KMT2A: variants seen among roughly 807,000 people sequenced by gnomAD.
KMT2A encodes histone-lysine N-methyltransferase 2A.
A neutral mutation model predicts 345.3 loss-of-function variants in KMT2A; 16 were observed. The observed-to-expected ratio is 0.05, with a 90% confidence interval of 0.03 to 0.07. KMT2A has a LOEUF of 0.07. KMT2A is among the 10% of genes least tolerant of loss of function. KMT2A has a pLI of 1.00. For synonymous variants in KMT2A, 1,599 were observed against 1,778.6 expected (o/e 0.90, Z 2.54); for missense variants, 3,272 against 4,841.6 (o/e 0.68, Z 9.62).
Position 118,519,646 on chromosome 11 carries a change from T to G in KMT2A, c.11175T>G (p.Ile3725Met). 6.2e-7 allele frequency: 1 copy of G among 1,613,638 alleles called. No homozygotes were observed. The highest frequency in any genetic ancestry group is 8.5e-7 in the Non-Finnish European group (1 of 1,179,564). The change falls in exon 32 of 36, where the codon ATT (isoleucine) becomes ATG (methionine). Residue 3725 changes from isoleucine to methionine, a missense_variant. Ile to Met is a conservative substitution (Grantham distance 10). Around this residue, in one of 27 missense-constraint regions of KMT2A, gnomAD observed 72 missense variants for 135.6 expected, o/e 0.53. Coordinates refer to ENST00000534358, the MANE Select transcript of KMT2A (RefSeq NM_001197104.2). ...TTAACGGTTTGAGGATGCTGGGGAT[T>G]CTCCATGATGCAGTTGTGTTCCTCA... ...AGVNGLRMLG[I>M]LHDAVVFLIE...
rs1434173540 is a variant in KMT2A at position 118,503,308 on chromosome 11, G to C, written c.7416G>C (p.Leu2472Phe). Reference sequence around the variant, plus strand: ...AGCCAGAGTTTATGGATGAGGTTTTGACTCCTGAGTATATGGGCCAACGAC... The same window carrying C: ...AGCCAGAGTTTATGGATGAGGTTTTCACTCCTGAGTATATGGGCCAACGAC... Reference protein sequence around the residue: ...NLKPEFMDEVLTPEYMGQRPC... With the variant: ...NLKPEFMDEVFTPEYMGQRPC... Residue 2472 changes from leucine (L) to phenylalanine (F), a missense_variant, in exon 27 of 36, where the codon TTG becomes TTC. Around this residue, in one of 27 missense-constraint regions of KMT2A, gnomAD observed 445 missense variants for 500.9 expected, o/e 0.89. Transcript: ENST00000534358. The surrounding 1 kb of genome is among the most constrained non-coding windows in gnomAD (Gnocchi z 5.3). 1.9e-6 allele frequency: 3 copies of C among 1,613,976 alleles called. No individual in the cohort carries two copies. In the African/African-American group the frequency reaches 4.0e-5, roughly 22 times the overall value.
At chr11:118,488,158 C>T (rs1014960114) in intron 10 of KMT2A, among the ~76,000 whole-genome samples, 2 of 151,886 alleles carry the variant, frequency 1.3e-5, no homozygotes, top group Admixed American at 6.6e-5. Flanking sequence ...CCAGCCTGGG[C>T]GACAGCGAGA....
chr11:118,440,576 A>G lies in KMT2A; in HGVS notation c.432+3632A>G, dbSNP rs1591337833. Among the ~76,000 whole-genome samples the G allele has an allele frequency of 2.0e-5, 3 of 152,118 alleles. No homozygotes were observed. The South Asian group carries it at 6.2e-4, about 32-fold the overall frequency. On this transcript the variant is annotated intron_variant, in intron 1 of 35. Transcript: ENST00000534358. ...TCATAATCCAGTTACCTTCCCTACT[A>G]CTTCACAAAATATTAAAAGCAAAAT...
rs1398950998 is a variant in KMT2A, at chr11:118,525,003, C to T, written c.*2831C>T. The stretch of plus-strand genomic sequence containing the variant: ...TTGTCAACCACAAAAATGAGAAATT[C>T]CTCTTCTAGCTCAGCCTTGAGTCCA... On this transcript the variant is annotated 3_prime_UTR_variant, in exon 36 of 36. Coordinates refer to ENST00000534358, the MANE Select transcript of KMT2A (RefSeq NM_001197104.2). 24 of 212,640 alleles carry T rather than the reference C, an allele frequency of 1.1e-4. No homozygotes were observed. Among genetic ancestry groups the T allele is most frequent in the Non-Finnish European group, 1.9e-4 (20 of 104,798 alleles). The allele number at this position is 212,640 out of a possible 1,614,324, so 13.2% of individuals were successfully genotyped here. A position where few individuals can be genotyped will look rare whatever the true frequency, so the allele number is the denominator to read the frequency against.
rs1438768164 is a variant in KMT2A, at chr11:118,522,584, C to A, written c.*412C>A. ...TGTAAGTGAGTGGGTCAGGCAAAGC[C>A]CCAAATGGAGGGTTGGTTAGATTCC... is the stretch of plus-strand genomic sequence containing the variant. On this transcript the variant is annotated 3_prime_UTR_variant, in exon 36 of 36. Coordinates refer to ENST00000534358, the MANE Select transcript of KMT2A (RefSeq NM_001197104.2). This position sits in a 1 kb window ranked among gnomAD's most constrained non-coding sequence, Gnocchi z 5.4. The A allele has an allele frequency of 1.7e-5, 4 of 235,060 alleles. No individual in the cohort carries two copies. The highest frequency in any genetic ancestry group is 3.4e-5 in the Non-Finnish European group (4 of 117,574). 14.6% of individuals were successfully genotyped at this position (235,060 alleles called of 1,614,324 possible).
At position 118,484,104 on chromosome 11, in the gene KMT2A, C is replaced by T; in HGVS notation, c.4087-79C>T. The T allele has an allele frequency of 7.5e-7, 1 of 1,339,534 alleles. No homozygotes were observed. Among genetic ancestry groups the T allele is most frequent in the Non-Finnish European group, 1.0e-6 (1 of 962,366 alleles). 83.0% of individuals were successfully genotyped at this position (1,339,534 alleles called of 1,614,324 possible). A position where few individuals can be genotyped will look rare whatever the true frequency, so the allele number is the denominator to read the frequency against. On this transcript the variant is annotated intron_variant, in intron 8 of 35. Coordinates refer to ENST00000534358, the MANE Select transcript of KMT2A (RefSeq NM_001197104.2). The surrounding 1 kb of genome is among the most constrained non-coding windows in gnomAD (Gnocchi z 4.1). The stretch of plus-strand genomic sequence containing the variant: ...TTTTAGATCTATTAATAAAATTTGT[C>T]ATTTGCATTATTATCTGTTGCAAAT...
chr11:118,446,143 G>T (rs1949416644), intron 1 of KMT2A, among the ~76,000 whole-genome samples: 1 of 152,044 alleles, frequency 6.6e-6, no homozygotes, highest in African/African-American at 2.4e-5. Flanking sequence ...GAGGTCAGGA[G>T]TTTGAGACCA....
At chr11:118,513,937 CAAAAAAAAAA>C (rs1178939991) in intron 31 of KMT2A, among the ~76,000 whole-genome samples, 1 of 47,354 alleles carries the variant, frequency 2.1e-5, no homozygotes, top group East Asian at 5.9e-4. Flanking sequence ...GACCCTGTCT[CAAAAAAAAAA>C]AAAAAAAAAA....
chr11:118,513,249 AAAGAAG>A (rs199569909), intron 31 of KMT2A, among the ~76,000 whole-genome samples: 5 of 151,958 alleles, frequency 3.3e-5, no homozygotes, highest in East Asian at 1.9e-4. Flanking sequence ...GTCACAAAAA[AAAGAAG>A]AAGAAGAAGA....
In KMT2A at chr11:118,489,907, C is replaced by T. The variant is rs1433922249; in HGVS notation, c.4575+20C>T. On this transcript the variant is annotated intron_variant, in intron 12 of 35. Transcript: ENST00000534358. ...GTCTGGGTGAGTTATACACATGATG[C>T]TCTTTTATAGAGAACCACCATGTGA... The T allele has an allele frequency of 2.5e-6, 4 of 1,593,574 alleles. No individual in the cohort carries two copies. The highest frequency in any genetic ancestry group is 3.4e-6 in the Non-Finnish European group (4 of 1,161,518).
Position 118,504,012 on chromosome 11 carries a change from G to A in KMT2A, c.8120G>A (p.Arg2707Gln), listed in dbSNP as rs1327510788. The change falls in exon 27 of 36, where the codon CGG becomes CAG. Residue 2707 changes from arginine (R) to glutamine (Q), a missense_variant. Transcript: ENST00000534358. The surrounding 1 kb of genome is among the most constrained non-coding windows in gnomAD (Gnocchi z 6.4). ...EERLASHNLFREEEQCDLPKI... is the reference protein window; with the variant it reads ...EERLASHNLFQEEEQCDLPKI... ...CGACTGGCATCCCATAATTTATTTCGGGAGGAGGAACAGTGTGATCTTCCA... is the reference window on the plus strand; with the variant it reads ...CGACTGGCATCCCATAATTTATTTCAGGAGGAGGAACAGTGTGATCTTCCA... 1.7e-5 allele frequency: 27 copies of A among 1,614,028 alleles called. No individual in the cohort carries two copies. The highest frequency in any genetic ancestry group is 8.0e-5 in the African/African-American group (6 of 74,912).
intron 10 of KMT2A, among the ~76,000 whole-genome samples, chr11:118,487,713 A>T (rs1555041263): frequency 6.6e-6 from 1 of 152,228 alleles, no homozygotes; most frequent in Non-Finnish European, 1.5e-5. Context: ...CCATGGTATA[A>T]TTACCAAATC....
chr11:118,492,248 A>T (rs1555042720), intron 15 of KMT2A, among the ~76,000 whole-genome samples: 2 of 152,220 alleles, frequency 1.3e-5, no homozygotes, highest in Admixed American at 1.3e-4. Flanking sequence ...GTTCTGACTG[A>T]GTGGAGAGGA....
rs1950364249 is a variant in KMT2A at position 118,493,915 on chromosome 11, T to C, written c.5179-373T>C. Among the ~76,000 whole-genome samples the C allele has an allele frequency of 6.6e-6, 1 of 152,210 alleles. No individual in the cohort carries two copies. The highest frequency in any genetic ancestry group is 1.5e-5 in the Non-Finnish European group (1 of 68,040). ...TGGCGGAGATTGGGTTTCACCATGT[T>C]GGCTAGGCTGGTCATGAACTCCTGA... is the stretch of plus-strand genomic sequence containing the variant. On this transcript the variant is annotated intron_variant, in intron 16 of 35. Coordinates refer to ENST00000534358, the MANE Select transcript of KMT2A (RefSeq NM_001197104.2). The surrounding 1 kb of genome is among the most constrained non-coding windows in gnomAD (Gnocchi z 5.8).
chr11:118,461,164 C>A (rs939263807), intron 1 of KMT2A, among the ~76,000 whole-genome samples: 1 of 151,998 alleles, frequency 6.6e-6, no homozygotes, highest in Admixed American at 6.6e-5. Context: ...AGAAATATTC[C>A]TATTGCTTCG....
At chr11:118,448,582 A>G (rs1336048272) in intron 1 of KMT2A, 5 of 152,212 alleles carry the variant, frequency 3.3e-5, no homozygotes, top group African/African-American at 1.2e-4. Context: ...CAGTTTTCCT[A>G]CTAACTCTTA....
chr11:118,445,801 G>A (rs1032618190), intron 1 of KMT2A, among the ~76,000 whole-genome samples: 15 of 152,162 alleles, frequency 9.9e-5, no homozygotes, highest in African/African-American at 2.7e-4. Flanking sequence ...TCAGGAGTTC[G>A]AGACCAGCCT....
Position 118,505,636 on chromosome 11 carries a change from T to C in KMT2A, c.9744T>C (p.Pro3248=). 6.2e-7 allele frequency: 1 copy of C among 1,614,164 alleles called. No individual in the cohort carries two copies. The highest frequency in any genetic ancestry group is 2.2e-5 in the East Asian group (1 of 44,878). Residue 3248 remains proline (P), a synonymous_variant, in exon 27 of 36, where the codon CCT becomes CCC. Coordinates refer to ENST00000534358, the MANE Select transcript of KMT2A (RefSeq NM_001197104.2). This position sits in a 1 kb window ranked among gnomAD's most constrained non-coding sequence, Gnocchi z 4.6. ...CTAGTACCCCTTCAAACATTGCCCC[T>C]TCTGATGTGGTTTCTAATATGACAT... ...APSSTPSNIA[P]SDVVSNMTLI...
At chr11:118,464,630 G>C (rs1486167623) in intron 1 of KMT2A, among the ~76,000 whole-genome samples, 2 of 151,810 alleles carry the variant, frequency 1.3e-5, no homozygotes, top group Non-Finnish European at 2.9e-5. Context: ...GACAAGTGTA[G>C]AGCATTCAAT....
Sources: allele counts gnomAD v4.1 joint callset (sites outside exome capture counted in the v4.1 genomes callset), GRCh38; gene constraint gnomAD v4.1.1; regional missense constraint gnomAD v4.1.1; non-coding constraint Gnocchi (gnomAD v3.1); transcripts MANE v1.5; gene names NCBI Gene and HGNC (gene_info 2026-07-23, HGNC 2026-07-21).